PDZD2: variants seen among roughly 807,000 people sequenced by gnomAD.
PDZD2 encodes PDZ domain-containing protein 2.
PDZD2 carries 90 observed loss-of-function variants against 220.7 expected under a neutral mutation model. That is an observed-to-expected ratio of 0.41 (90% CI 0.34 to 0.49). The LOEUF (loss-of-function observed/expected upper bound fraction) is 0.49, where lower values mean the gene tolerates loss of function less well. Ranked by LOEUF, PDZD2 falls within the 20% of genes least tolerant of loss-of-function variation. PDZD2 has a pLI of 0.28. For missense variants in PDZD2, 3,174 were observed against 3,608.5 expected, an observed-to-expected ratio of 0.88 and a Z score of 3.08; for synonymous variants, 1,375 against 1,450.5, an observed-to-expected ratio of 0.95 and a Z score of 1.18.
chr5:31,966,351 A>G (rs531599092), intron 2 of PDZD2, among the ~76,000 whole-genome samples: 2 of 152,394 alleles, frequency 1.3e-5, no homozygotes, highest in East Asian at 3.9e-4. Context: ...AACTCCTAAA[A>G]TAAACATACC....
chr5:31,685,871 T>C (rs995760748), intron 1 of PDZD2, among the ~76,000 whole-genome samples: 3 of 151,962 alleles, frequency 2.0e-5, no homozygotes, highest in Non-Finnish European at 2.9e-5. Flanking sequence ...TGTCAGTGTT[T>C]TTACTATGTA....
chr5:32,040,942 T>G, intron 7 of PDZD2, among the ~76,000 whole-genome samples: 1 of 124,760 alleles, frequency 8.0e-6, no homozygotes, highest in African/African-American at 3.1e-5. Context: ...TGCCACCCCA[T>G]CTGGGAAATG....
chr5:31,745,042 C>T (rs1388167418), intron 1 of PDZD2, among the ~76,000 whole-genome samples: 3 of 151,888 alleles, frequency 2.0e-5, no homozygotes, highest in African/African-American at 7.3e-5. Flanking sequence ...CATTGCACTC[C>T]AGCCTGGGCG....
chr5:31,943,380 G>C (rs1452531580), intron 2 of PDZD2, among the ~76,000 whole-genome samples: 2 of 152,154 alleles, frequency 1.3e-5, no homozygotes, highest in Non-Finnish European at 2.9e-5. Flanking sequence ...CTCTGGCAGA[G>C]CTGGGGGAAC....
chr5:32,027,950 G>A (rs922017732), intron 6 of PDZD2, among the ~76,000 whole-genome samples: 3 of 143,028 alleles, frequency 2.1e-5, no homozygotes, highest in African/African-American at 2.6e-5. Context: ...AAATCGCTGC[G>A]TTCCACTGTC....
chr5:32,063,068 G>A (rs1008789389), intron 14 of PDZD2, among the ~76,000 whole-genome samples: 40 of 101,690 alleles, frequency 3.9e-4, no homozygotes, highest in Non-Finnish European at 6.8e-4. Flanking sequence ...TATTTGAGAC[G>A]GAGTCTAGCT....
chr5:31,748,735 G>T (rs1263787400), intron 1 of PDZD2, among the ~76,000 whole-genome samples: 1 of 152,242 alleles, frequency 6.6e-6, no homozygotes, highest in Non-Finnish European at 1.5e-5. Flanking sequence ...CACACGCTTG[G>T]TTGGGGTGGA....
At chr5:32,047,601 A>AC (rs1167944860) in intron 7 of PDZD2, among the ~76,000 whole-genome samples, 1 of 152,262 alleles carries the variant, frequency 6.6e-6, no homozygotes, top group African/African-American at 2.4e-5. Flanking sequence ...AAAACATGGC[A>AC]AAAAGCTTGC....
rs1451221329 is a variant in PDZD2 at position 32,077,542 on chromosome 5, T to A, written c.3618T>A (p.Asp1206Glu). Residue 1206 changes from aspartate (D) to glutamate (E), a missense_variant, in exon 19 of 25, where the codon GAT (aspartate) becomes GAA (glutamate). This residue lies in a region of PDZD2 where 1,861 missense variants were observed against 2,001.0 expected (regional missense o/e 0.93). Transcript: ENST00000438447. Reference sequence around the variant, plus strand: ...TAGCCAGTGCTCTGTCCCATCTGGATGCCAGCCACCTCACAGAGAACCTGC... The same window carrying A: ...TAGCCAGTGCTCTGTCCCATCTGGAAGCCAGCCACCTCACAGAGAACCTGC... ...CELASALSHLDASHLTENLPK... is the reference protein window; with the variant it reads ...CELASALSHLEASHLTENLPK... The A allele has an allele frequency of 3.1e-6, 5 of 1,614,160 alleles. No individual in the cohort carries two copies. Among genetic ancestry groups the A allele is most frequent in the Non-Finnish European group, 4.2e-6 (5 of 1,179,984 alleles).
chr5:31,648,759 T>A (rs1216069513), intron 1 of PDZD2, among the ~76,000 whole-genome samples: 1 of 152,008 alleles, frequency 6.6e-6, no homozygotes, highest in Non-Finnish European at 1.5e-5. Flanking sequence ...CTCTTGCCCC[T>A]ACACATGCAG....
intron 14 of PDZD2, among the ~76,000 whole-genome samples, chr5:32,064,986 A>G (rs1358757899): frequency 2.0e-5 from 3 of 150,528 alleles, no homozygotes; most frequent in Admixed American, 1.3e-4. Context: ...AAAGAAATAA[A>G]ATCAAAGTGT....
intron 1 of PDZD2, among the ~76,000 whole-genome samples, chr5:31,796,868 A>C (rs1389102422): frequency 6.6e-6 from 1 of 151,514 alleles, no homozygotes; most frequent in Non-Finnish European, 1.5e-5. Context: ...CCTCAATCAG[A>C]CTTATTTAAA....
chr5:31,764,799 G>A (rs909128166), intron 1 of PDZD2, among the ~76,000 whole-genome samples: 4 of 152,162 alleles, frequency 2.6e-5, no homozygotes, highest in East Asian at 3.9e-4. Flanking sequence ...CAAAGGGGCC[G>A]GGCACAGTGG....
Position 32,073,989 on chromosome 5 carries a change from G to T in PDZD2, c.2883G>T (p.Lys961Asn). 1 of 1,614,172 alleles carries T rather than the reference G, an allele frequency of 6.2e-7. No homozygotes were observed. Among genetic ancestry groups the T allele is most frequent in the Non-Finnish European group, 8.5e-7 (1 of 1,180,012 alleles). Residue 961 changes from lysine (K) to asparagine (N), a missense_variant, in exon 18 of 25, where the codon AAG becomes AAT. Around this residue, in one of 4 missense-constraint regions of PDZD2, gnomAD observed 1,861 missense variants for 2,001.0 expected, o/e 0.93. Coordinates refer to ENST00000438447, the MANE Select transcript of PDZD2 (RefSeq NM_178140.4). ...GAAACCCTCTCCTCCGCCAGAGGAA[G>T]GTAGGCTGCTACGATGCCAACGATG... is the stretch of plus-strand genomic sequence containing the variant. Reference protein sequence around the residue: ...ALRNPLLRQRKVGCYDANDAS... With the variant: ...ALRNPLLRQRNVGCYDANDAS...
At chr5:31,713,330 G>A (rs1748240745) in intron 1 of PDZD2, among the ~76,000 whole-genome samples, 1 of 152,242 alleles carries the variant, frequency 6.6e-6, no homozygotes, top group Non-Finnish European at 1.5e-5. Context: ...CCTAGCTTCT[G>A]GATTTCTATA....
At chr5:31,696,350 A>G (rs1011571077) in intron 1 of PDZD2, among the ~76,000 whole-genome samples, 7 of 152,164 alleles carry the variant, frequency 4.6e-5, no homozygotes, top group African/African-American at 1.7e-4. Context: ...CCCAGGTTGT[A>G]GTGCAGTGGC....
At chr5:31,848,771 C>T (rs751631172) in intron 2 of PDZD2, among the ~76,000 whole-genome samples, 11 of 148,244 alleles carry the variant, frequency 7.4e-5, no homozygotes, top group Non-Finnish European at 1.6e-4. Context: ...GAAAATGGGC[C>T]GGGCACGGTG....
intron 5 of PDZD2, among the ~76,000 whole-genome samples, chr5:32,008,537 C>T (rs191264443): frequency 1.4e-4 from 21 of 152,160 alleles, no homozygotes; most frequent in Admixed American, 9.8e-4. Flanking sequence ...CCACCCGCCT[C>T]GGCCTCCCAA....
intron 2 of PDZD2, among the ~76,000 whole-genome samples, chr5:31,922,533 A>G (rs1022864929): frequency 1.5e-4 from 23 of 152,306 alleles, no homozygotes; most frequent in African/African-American, 5.5e-4. Flanking sequence ...AAAACTGAGC[A>G]TCACTGGGAA....
Sources: allele counts gnomAD v4.1 joint callset (sites outside exome capture counted in the v4.1 genomes callset), GRCh38; gene constraint gnomAD v4.1.1; regional missense constraint gnomAD v4.1.1; transcripts MANE v1.5; gene names NCBI Gene and HGNC (gene_info 2026-07-23, HGNC 2026-07-21).